The following INSL6 variants were observed in gnomAD, a reference collection of about 807,000 sequenced individuals.
The protein encoded by INSL6 is insulin-like peptide INSL6.
Under a neutral mutation model 9.4 loss-of-function variants are expected in INSL6, and 16 were observed. The ratio of observed to expected loss-of-function variants is 1.70; its 90% CI spans 1.15 to 2.59. INSL6 has a LOEUF of 2.59. INSL6 is among the 30% of genes most tolerant of loss of function. The probability of loss-of-function intolerance (pLI) is 0.00; values close to 1 mark genes in which losing one functional copy is unlikely to be tolerated. For missense variants in INSL6, 391 were observed against 257.3 expected (o/e 1.52, Z -3.56); for synonymous variants, 154 against 96.9 (o/e 1.59, Z -3.46).
At chr9:5,089,642 G>GTATT in the INSL6 span, 1 of 1,163,814 alleles carries the variant, frequency 8.6e-7, no homozygotes, top group East Asian at 3.0e-5. Context: ...TGAAAACTTG[G>GTATT]TATTTCCATC....
chr9:5,118,607 T>C, the INSL6 span, among the ~76,000 whole-genome samples: 2 of 152,238 alleles, frequency 1.3e-5, no homozygotes, highest in South Asian at 4.1e-4. Flanking sequence ...TTTATTTCTA[T>C]AATGGGACAA....
the INSL6 span, chr9:5,114,519 G>A: frequency 2.1e-6 from 1 of 469,576 alleles, no homozygotes; most frequent in South Asian, 1.8e-5. Context: ...TGCAACGCTA[G>A]AAGAGCCGAG....
the INSL6 span, among the ~76,000 whole-genome samples, chr9:5,001,737 A>G: frequency 2.0e-4 from 31 of 151,996 alleles, no homozygotes; most frequent in African/African-American, 6.7e-4. Flanking sequence ...GTAAGAGTTT[A>G]TACAGAATTG....
At chr9:5,111,791 T>G in the INSL6 span, 1 of 422,820 alleles carries the variant, frequency 2.4e-6, no homozygotes, top group Admixed American at 2.7e-5. Flanking sequence ...CACCTTCTCC[T>G]TGGCCCCCGG....
chr9:5,029,580 C>G, the INSL6 span, among the ~76,000 whole-genome samples: 1 of 152,044 alleles, frequency 6.6e-6, no homozygotes, highest in African/African-American at 2.4e-5. Flanking sequence ...GCAGGGTGCA[C>G]TAAAATGAAG....
At chr9:5,004,531 C>A in the INSL6 span, among the ~76,000 whole-genome samples, 1 of 152,046 alleles carries the variant, frequency 6.6e-6, no homozygotes, top group Admixed American at 6.6e-5. Context: ...TTTATCAGTT[C>A]ATCTGTTGAT....
At chr9:5,091,090 A>G in the INSL6 span, 30 of 481,932 alleles carry the variant, frequency 6.2e-5, no homozygotes, top group East Asian at 1.1e-3. Context: ...TCCACGTGGG[A>G]AAATGGCATA....
At chr9:5,120,844 T>C (rs974764887), downstream of INSL6, among the ~76,000 whole-genome samples, 4 of 152,178 alleles carry the variant, frequency 2.6e-5, no homozygotes, top group South Asian at 2.1e-4. Flanking sequence ...AGCAGCTAAA[T>C]AGATTGTGAT....
the INSL6 span, among the ~76,000 whole-genome samples, chr9:5,049,975 G>A: frequency 1.3e-5 from 2 of 152,096 alleles, no homozygotes; most frequent in Admixed American, 6.5e-5. Flanking sequence ...TGGAACCATC[G>A]TTATATATGT....
the INSL6 span, chr9:5,041,746 T>A: frequency 6.1e-6 from 3 of 491,928 alleles, no homozygotes; most frequent in Non-Finnish European, 1.2e-5. Flanking sequence ...GCGACCCCCA[T>A]CAGCAGTGTC....
At chr9:5,022,042 A>G in the INSL6 span, 34 of 1,614,192 alleles carry the variant, frequency 2.1e-5, 1 homozygote, top group Admixed American at 2.8e-4. Flanking sequence ...CACCTCTTCT[A>G]TATATCAGAA....
chr9:5,137,301 C>G (rs1824404049), intron 2 of INSL6, among the ~76,000 whole-genome samples: 1 of 152,084 alleles, frequency 6.6e-6, no homozygotes, highest in South Asian at 2.1e-4. Flanking sequence ...AAAAAAGAGC[C>G]TGCATAGCCA....
intron 2 of INSL6, among the ~76,000 whole-genome samples, chr9:5,140,742 C>T (rs1238904715): frequency 6.6e-6 from 1 of 151,552 alleles, no homozygotes; most frequent in African/African-American, 2.4e-5. Context: ...ATTTTAAGTT[C>T]AGGGTACATA....
At chr9:5,089,308 T>C in the INSL6 span, among the ~76,000 whole-genome samples, 1 of 151,686 alleles carries the variant, frequency 6.6e-6, no homozygotes, top group Admixed American at 6.6e-5. Context: ...GGAGGCCGAG[T>C]TGGGTGGATC....
At chr9:5,025,628 A>C in the INSL6 span, among the ~76,000 whole-genome samples, 2 of 151,034 alleles carry the variant, frequency 1.3e-5, no homozygotes, top group East Asian at 3.9e-4. Flanking sequence ...CCGCCTTCCA[A>C]GTTCAAGTGA....
intron 3 of INSL6, among the ~76,000 whole-genome samples, chr9:5,124,923 C>A (rs1388427461): frequency 6.6e-6 from 1 of 151,350 alleles, no homozygotes; most frequent in Non-Finnish European, 1.5e-5. Context: ...CAAACCTATT[C>A]CTAAACTAGC....
chr9:5,078,327 G>A, the INSL6 span: 1 of 1,612,006 alleles, frequency 6.2e-7, no homozygotes, highest in Admixed American at 1.7e-5. Context: ...CCTTATTCAT[G>A]GGAATGTATG....
the INSL6 span, chr9:5,050,874 G>A: frequency 6.7e-7 from 1 of 1,500,376 alleles, no homozygotes; most frequent in Non-Finnish European, 9.2e-7. Context: ...TGTGAGTAGA[G>A]ATTTTATATA....
At chr9:5,094,349 C>G in the INSL6 span, 1 of 152,364 alleles carries the variant, frequency 6.6e-6, no homozygotes, top group South Asian at 2.1e-4. Flanking sequence ...CTTCCTATAC[C>G]CCATCCCCTA....
Sources: allele counts gnomAD v4.1 joint callset (sites outside exome capture counted in the v4.1 genomes callset), GRCh38; gene constraint gnomAD v4.1.1; transcripts MANE v1.5; gene names NCBI Gene and HGNC (gene_info 2026-07-23, HGNC 2026-07-21).